Variants in GUCY1B1 observed in about 807,000 individuals in gnomAD.
GUCY1B1 encodes the protein guanylate cyclase 1 soluble subunit beta 1.
In GUCY1B1, 43 loss-of-function variants were observed where a neutral mutation model predicts 71.0. The observed-to-expected ratio is 0.61, with a 90% CI of 0.47 to 0.78. The LOEUF is 0.78. GUCY1B1 is among the 30% of genes least tolerant of loss of function. The pLI is 0.00. For synonymous variants in GUCY1B1, 266 were observed against 259.7 expected (o/e 1.02, Z -0.23); for missense variants, 535 against 754.1 (o/e 0.71, Z 3.40).
intron 4 of GUCY1B1, among the ~76,000 whole-genome samples, chr4:155,788,942 C>CGTTTCTTCTAGT: frequency 6.6e-6 from 1 of 152,230 alleles, no homozygotes; most frequent in Middle Eastern, 3.4e-3. Flanking sequence ...TAGCTTACAC[C>CGTTTCTTCTAGT]GTTTCTTCTA....
At chr4:155,805,962 G>A (rs565715079) in intron 13 of GUCY1B1, among the ~76,000 whole-genome samples, 46 of 152,214 alleles carry the variant, frequency 3.0e-4, no homozygotes, top group African/African-American at 1.0e-3. Context: ...AAGCAAGTTT[G>A]ATACTTTGTT....
At chr4:155,795,313 T>A (rs202037920) in intron 6 of GUCY1B1, 28 bp from the exon 7 acceptor site, 16 of 1,100,962 alleles carry the variant, frequency 1.5e-5, no homozygotes, top group Non-Finnish European at 2.1e-5. Context: ...ACTGATGTGA[T>A]ACTCTTTGCT....
At chr4:155,772,578 GC>G (rs781344974) in intron 2 of GUCY1B1, 14 of 596,714 alleles carry the variant, frequency 2.3e-5, no homozygotes, top group Non-Finnish European at 3.9e-5. Context: ...CACCACACCT[GC>G]CTAATTTTTT....
intron 7 of GUCY1B1, among the ~76,000 whole-genome samples, chr4:155,795,712 A>G (rs1422216823): frequency 1.3e-5 from 2 of 152,180 alleles, no homozygotes; most frequent in Non-Finnish European, 2.9e-5. Context: ...TCACATCAAA[A>G]AACCAACATC....
chr4:155,803,206 T>A (rs1740079789), intron 10 of GUCY1B1, among the ~76,000 whole-genome samples: 1 of 152,256 alleles, frequency 6.6e-6, no homozygotes, highest in African/African-American at 2.4e-5. Flanking sequence ...CACTCTAGCA[T>A]GTGGTGAGCA....
At chr4:155,779,261 C>G (rs920676133) in intron 4 of GUCY1B1, among the ~76,000 whole-genome samples, 1 of 152,124 alleles carries the variant, frequency 6.6e-6, no homozygotes, top group African/African-American at 2.4e-5. Context: ...TGCACTCCAG[C>G]CTGGGTGACA....
chr4:155,800,161 C>T (rs953388767), intron 9 of GUCY1B1, 87 bp downstream of exon 9: 13 of 805,582 alleles, frequency 1.6e-5, no homozygotes, highest in Non-Finnish European at 2.5e-5. Context: ...GACTAAAAAG[C>T]CATGTGACCT....
intron 2 of GUCY1B1, 74 bp from the exon 3 acceptor site, chr4:155,774,894 A>G: frequency 2.4e-6 from 2 of 846,570 alleles, no homozygotes; most frequent in East Asian, 2.4e-5. Flanking sequence ...TTGTTTATAC[A>G]ATTATTATAC....
rs1466029523 is a variant in GUCY1B1, at chr4:155,771,785, A to G, written c.78-3183A>G. ...TTTTATACTTGTGGAAAAAATAAAA[A>G]CATCTAACTACCTACCAAGACTTCA... On this transcript the variant is annotated intron_variant, in intron 2 of 13. Transcript: ENST00000264424. 2.0e-5 allele frequency among the ~76,000 whole-genome samples: 3 copies of G among 152,348 alleles called. No individual in the cohort carries two copies. In the East Asian group the frequency reaches 5.8e-4, roughly 29 times the overall value.
At chr4:155,784,541 G>C (rs1272765247) in intron 4 of GUCY1B1, among the ~76,000 whole-genome samples, 1 of 152,038 alleles carries the variant, frequency 6.6e-6, no homozygotes, top group African/African-American at 2.4e-5. Flanking sequence ...AGAGGTGTGA[G>C]GGATAGAAAG....
chr4:155,789,911 G>A lies in GUCY1B1; in HGVS notation c.495G>A (p.Lys165=). 2 of 1,592,520 alleles carry A rather than the reference G, an allele frequency of 1.3e-6. No individual in the cohort carries two copies. Among genetic ancestry groups the A allele is most frequent in the East Asian group, 2.2e-5 (1 of 44,760 alleles). ...TCCATGGCACTGAAATAGACATGAA[G>A]GTAACAAACAGCAATGGAGACTTCT... ...QQIHGTEIDM[K]VIQQRNEECD... The change falls in exon 5 of 14, where the codon AAG becomes AAA. Residue 165 remains lysine (K), a splice_region_variant and synonymous_variant. Transcript: ENST00000264424.
intron 2 of GUCY1B1, among the ~76,000 whole-genome samples, chr4:155,771,384 G>T (rs916827582): frequency 1.3e-5 from 2 of 152,140 alleles, no homozygotes; most frequent in Non-Finnish European, 1.5e-5. Context: ...TGAGGAAATG[G>T]CTGTTCCCCT....
chr4:155,780,959 A>G (rs1207217286), intron 4 of GUCY1B1, among the ~76,000 whole-genome samples: 2 of 152,148 alleles, frequency 1.3e-5, no homozygotes, highest in Non-Finnish European at 2.9e-5. Context: ...AACATGGGAG[A>G]CTATTTGATT....
At chr4:155,796,000 G>A (rs970663605) in intron 7 of GUCY1B1, among the ~76,000 whole-genome samples, 1 of 152,166 alleles carries the variant, frequency 6.6e-6, no homozygotes, top group South Asian at 2.1e-4. Flanking sequence ...GGAACTGACT[G>A]TTTGCAGCTG....
At chr4:155,771,729 T>C (rs952200560) in intron 2 of GUCY1B1, among the ~76,000 whole-genome samples, 2 of 152,142 alleles carry the variant, frequency 1.3e-5, no homozygotes, top group African/African-American at 4.8e-5. Context: ...TACATAGAAG[T>C]GTAAGAAGCT....
At chr4:155,777,704 T>C in intron 4 of GUCY1B1, 62 bp downstream of exon 4, 2 of 821,494 alleles carry the variant, frequency 2.4e-6, no homozygotes, top group East Asian at 2.4e-5. Flanking sequence ...ATATAGACTC[T>C]AGAATACTTT....
chr4:155,772,654 A>G, intron 2 of GUCY1B1: 1 of 700,958 alleles, frequency 1.4e-6, no homozygotes, highest in Non-Finnish European at 2.6e-6. Context: ...TCCTGAGCTC[A>G]ACGGATCCTC....
chr4:155,784,033 T>G (rs562778660), intron 4 of GUCY1B1, among the ~76,000 whole-genome samples: 1 of 152,284 alleles, frequency 6.6e-6, no homozygotes, highest in East Asian at 1.9e-4. Context: ...CATGTAGTAT[T>G]ATATAGACTG....
At chr4:155,766,777 G>A (rs1207447562) in intron 2 of GUCY1B1, among the ~76,000 whole-genome samples, 1 of 152,104 alleles carries the variant, frequency 6.6e-6, no homozygotes, top group Non-Finnish European at 1.5e-5. Flanking sequence ...TAAAAGGCAG[G>A]GATGTGTGGT....
Sources: allele counts gnomAD v4.1 joint callset (sites outside exome capture counted in the v4.1 genomes callset), GRCh38; gene constraint gnomAD v4.1.1; transcripts MANE v1.5; gene names NCBI Gene and HGNC (gene_info 2026-07-23, HGNC 2026-07-21).